BMP3: variants seen among roughly 807,000 people sequenced by gnomAD.
BMP3 encodes the protein bone morphogenetic protein 3.
BMP3 carries 23 observed loss-of-function variants against 38.1 expected under a neutral mutation model. That is an observed-to-expected ratio of 0.60 (90% CI 0.43 to 0.86). BMP3 has a LOEUF of 0.86. Among genes scored for constraint, BMP3 ranks in the 40% least tolerant of loss-of-function variants. The pLI, the probability that BMP3 is intolerant of heterozygous loss-of-function variation, is 0.00. For missense variants in BMP3, 628 were observed against 579.6 expected (o/e 1.08, Z -0.86); for synonymous variants, 258 against 225.7 (o/e 1.14, Z -1.28).
Position 81,046,222 on chromosome 4 carries a change from T to A in BMP3, c.801T>A (p.Thr267=), listed in dbSNP as rs773754745. The A allele has an allele frequency of 1.1e-4, 185 of 1,614,092 alleles. 2 individuals carry two copies. The South Asian group carries it at 2.0e-3, about 18-fold the overall frequency. The part of the protein sequence containing the change: ...SSLQGHRNFP[T]GTVPKWDSHI... ...TACAGGGACACCGGAATTTTCCCAC[T>A]GGAACTGTTCCCAAATGGGATAGCC... The change falls in exon 2 of 3, where the codon ACT becomes ACA. Residue 267 remains threonine (T), a synonymous_variant. Transcript: ENST00000282701.
chr4:81,032,427 C>G (rs1422592387), intron 1 of BMP3, among the ~76,000 whole-genome samples: 1 of 152,140 alleles, frequency 6.6e-6, no homozygotes, highest in Admixed American at 6.5e-5. Context: ...TTTCTCCTAG[C>G]CCCTGTGGTG....
chr4:81,046,600 C>T lies in BMP3; in HGVS notation c.1179C>T (p.Ser393=). 6.2e-7 allele frequency: 1 copy of T among 1,613,984 alleles called. No homozygotes were observed. Among genetic ancestry groups the T allele is most frequent in the Non-Finnish European group, 8.5e-7 (1 of 1,179,954 alleles). ...GWSEWIISPK[S]FDAYYCSGAC... ...GTGAATGGATTATCTCCCCCAAGTC[C>T]TTTGATGCCTATTATTGCTCTGGAG... Residue 393 remains serine, a synonymous_variant, in exon 2 of 3, where the codon TCC becomes TCT. Transcript: ENST00000282701.
In BMP3 at chr4:81,046,284, A is replaced by G. The variant is rs372429165; in HGVS notation, c.863A>G (p.Lys288Arg). The G allele has an allele frequency of 6.2e-6, 10 of 1,613,958 alleles. No homozygotes were observed. Among genetic ancestry groups the G allele is most frequent in the Non-Finnish European group, 8.5e-6 (10 of 1,180,012 alleles). ...GCCCTTTCCATTGAGCGGAGGAAGAAGCGCTCTACTGGGGTCTTGCTGCCT... is the reference window on the plus strand; with the variant it reads ...GCCCTTTCCATTGAGCGGAGGAAGAGGCGCTCTACTGGGGTCTTGCTGCCT... ...RAALSIERRKKRSTGVLLPLQ... is the reference protein window; with the variant it reads ...RAALSIERRKRRSTGVLLPLQ... The change falls in exon 2 of 3, where the codon AAG (lysine) becomes AGG (arginine). Residue 288 changes from lysine (K) to arginine (R), a missense_variant. By Grantham distance (26) the Lys-to-Arg change is conservative. Coordinates refer to ENST00000282701, the MANE Select transcript of BMP3 (RefSeq NM_001201.5).
chr4:81,057,168 T>C lies in BMP3; in HGVS notation c.*3632T>C, dbSNP rs1740594805. ...CTTCCCTTCAGCTTTCCACAGTTTC[T>C]GTAAATGTTTAATACTTGTACAGTC... On this transcript the variant is annotated 3_prime_UTR_variant, in exon 3 of 3. Coordinates refer to ENST00000282701, the MANE Select transcript of BMP3 (RefSeq NM_001201.5). The C allele has an allele frequency of 6.6e-6, 1 of 151,260 alleles. No individual in the cohort carries two copies. Among genetic ancestry groups the C allele is most frequent in the African/African-American group, 2.4e-5 (1 of 41,228 alleles). The allele number at this position is 151,260 out of a possible 1,614,324, so 9.4% of individuals were successfully genotyped here.
intron 1 of BMP3, among the ~76,000 whole-genome samples, chr4:81,035,943 T>C (rs1739911562): frequency 6.6e-6 from 1 of 151,962 alleles, no homozygotes; most frequent in Non-Finnish European, 1.5e-5. Context: ...CGGAACACTG[T>C]CTCATTTTTC....
At chr4:81,050,655 C>T (rs968511771) in intron 2 of BMP3, among the ~76,000 whole-genome samples, 1 of 151,936 alleles carries the variant, frequency 6.6e-6, no homozygotes, top group Non-Finnish European at 1.5e-5. Flanking sequence ...AATGATACAA[C>T]CTCAATTAAT....
In BMP3 at chr4:81,043,590, A is replaced by ATTTTTTTTTTTT. The variant is rs3038534; in HGVS notation, c.317-2144_317-2133dup. On this transcript the variant is annotated intron_variant, in intron 1 of 2. Coordinates refer to ENST00000282701, the MANE Select transcript of BMP3 (RefSeq NM_001201.5). ...CCCAATGCTTATCAAGCATACTACA[A>ATTTTTTTTTTTT]TTTTTTTTTTTTTTTGAGACAGCGT... is the stretch of plus-strand genomic sequence containing the variant. Among the ~76,000 whole-genome samples the ATTTTTTTTTTTT allele has an allele frequency of 6.1e-4, 80 of 130,728 alleles. 3 individuals carry two copies. The highest frequency in any genetic ancestry group is 1.8e-3 in the East Asian group (8 of 4,462). The allele number at this position is 130,728 out of a possible 152,430, so 85.8% of individuals were successfully genotyped here.
At position 81,055,181 on chromosome 4, in the gene BMP3, A is replaced by C. The variant is rs999259819; in HGVS notation, c.*1645A>C. ...GAATGATAGTGATAGATATAAAAAC[A>C]CTGTAAGTCCCTCTTTTAATAAACT... is the stretch of plus-strand genomic sequence containing the variant. On this transcript the variant is annotated 3_prime_UTR_variant, in exon 3 of 3. Coordinates refer to ENST00000282701, the MANE Select transcript of BMP3 (RefSeq NM_001201.5). 3.3e-5 allele frequency: 5 copies of C among 152,230 alleles called. No homozygotes were observed. Among genetic ancestry groups the C allele is most frequent in the Non-Finnish European group, 7.3e-5 (5 of 68,034 alleles). The allele number at this position is 152,230 out of a possible 1,614,324, so 9.4% of individuals were successfully genotyped here. A position where few individuals can be genotyped will look rare whatever the true frequency, so the allele number is the denominator to read the frequency against.
intron 1 of BMP3, among the ~76,000 whole-genome samples, chr4:81,037,867 G>A (rs979292962): frequency 7.9e-5 from 12 of 151,944 alleles, no homozygotes; most frequent in African/African-American, 1.2e-4. Context: ...AGTATAGTTC[G>A]TGGACTAGCT....
In BMP3 at chr4:81,056,343, CT is replaced by C. The variant is rs777206770; in HGVS notation, c.*2818del. 6.5e-4 allele frequency: 95 copies of C among 146,030 alleles called. 1 individual carries two copies. Among genetic ancestry groups the C allele is most frequent in the South Asian group, 8.6e-4 (4 of 4,632 alleles). The allele number at this position is 146,030 out of a possible 1,614,324, so 9.0% of individuals were successfully genotyped here. On this transcript the variant is annotated 3_prime_UTR_variant, in exon 3 of 3. Coordinates refer to ENST00000282701, the MANE Select transcript of BMP3 (RefSeq NM_001201.5). The stretch of plus-strand genomic sequence containing the variant: ...GTTACTGAAAAAAATAATTCTTTTT[CT>C]TTTTTTTTTTAAATGGAGTTTCACT...
intron 1 of BMP3, among the ~76,000 whole-genome samples, chr4:81,043,770 G>A (rs1740157710): frequency 6.6e-6 from 1 of 151,788 alleles, no homozygotes; most frequent in Non-Finnish European, 1.5e-5. Context: ...TGTATTTTTA[G>A]TAGAGACAGG....
At chr4:81,043,145 A>T (rs980795000) in intron 1 of BMP3, among the ~76,000 whole-genome samples, 1 of 152,246 alleles carries the variant, frequency 6.6e-6, no homozygotes, top group Non-Finnish European at 1.5e-5. Context: ...GATCAAGAAC[A>T]TAATTTCACG....
intron 2 of BMP3, among the ~76,000 whole-genome samples, chr4:81,049,148 A>G (rs1311004325): frequency 4.6e-5 from 7 of 152,216 alleles, no homozygotes; most frequent in South Asian, 4.1e-4. Flanking sequence ...TAGGTTATCA[A>G]TAAATACCTG....
chr4:81,055,970 G>C lies in BMP3; in HGVS notation c.*2434G>C, dbSNP rs1014895209. The C allele has an allele frequency of 1.3e-5, 2 of 152,090 alleles. No homozygotes were observed. Among genetic ancestry groups the C allele is most frequent in the Admixed American group, 6.6e-5 (1 of 15,244 alleles). 9.4% of individuals were successfully genotyped at this position (152,090 alleles called of 1,614,324 possible). On this transcript the variant is annotated 3_prime_UTR_variant, in exon 3 of 3. Transcript: ENST00000282701. ...ACTAATGAATTGAGGATGTATTATG[G>C]TTTAAATTGGAAGAGTTTTATTCCC...
intron 1 of BMP3, among the ~76,000 whole-genome samples, chr4:81,038,328 T>C (rs79111899): frequency 1.3e-5 from 2 of 152,286 alleles, no homozygotes; most frequent in African/African-American, 2.4e-5. Context: ...AAATATGGTA[T>C]GAGCAGGGGC....
chr4:81,039,632 T>C (rs1168894411), intron 1 of BMP3, among the ~76,000 whole-genome samples: 2 of 152,220 alleles, frequency 1.3e-5, no homozygotes, highest in Non-Finnish European at 2.9e-5. Context: ...CTTCTACCTT[T>C]ATATAATAAT....
rs6831040 is a variant in BMP3 at position 81,046,034 on chromosome 4, C to T, written c.613C>T (p.Leu205Phe). ...MSWLSKDITQ[L>F]LRKAKENEEF... ...CTGGCTGTCTAAAGATATCACTCAA[C>T]TCTTGAGGAAGGCCAAAGAAAATGA... The change falls in exon 2 of 3, where the codon CTC (leucine) becomes TTC (phenylalanine). Residue 205 changes from leucine (L) to phenylalanine (F), a missense_variant. Transcript: ENST00000282701. 1,613,837 of 1,614,214 alleles carry T rather than the reference C, an allele frequency of 1. 806,731 individuals are homozygous for T. Among genetic ancestry groups the T allele is most frequent in the East Asian group, 1 (44,884 of 44,884 alleles).
rs965638827 is a variant in BMP3, at chr4:81,044,763, T to A, written c.317-975T>A. On this transcript the variant is annotated intron_variant, in intron 1 of 2. Coordinates refer to ENST00000282701, the MANE Select transcript of BMP3 (RefSeq NM_001201.5). ...ATGTCTTGCTTTCATTTAGCATAGT[T>A]TTTTCAAGGTTCATCCACATTGTAG... Among the ~76,000 whole-genome samples the A allele has an allele frequency of 2.0e-5, 3 of 152,218 alleles. No homozygotes were observed. The East Asian group carries it at 5.8e-4, about 29-fold the overall frequency.
At chr4:81,037,408 G>A in intron 1 of BMP3, 1 of 238,052 alleles carries the variant, frequency 4.2e-6, no homozygotes, top group South Asian at 4.9e-5. Context: ...TAAGTGTTAG[G>A]TGATCTAACT....
Sources: gnomAD v4.1 joint callset for allele counts (sites outside exome capture counted in the v4.1 genomes callset) on GRCh38, gnomAD v4.1.1 for gene constraint, MANE v1.5 for transcripts, NCBI Gene and HGNC (gene_info 2026-07-23, HGNC 2026-07-21) for gene names.